Variants in MSN observed in about 807,000 individuals in gnomAD.
MSN encodes the protein moesin, also known as epididymis luminal protein 70.
A neutral mutation model predicts 48.0 loss-of-function variants in MSN; 2 were observed. The observed-to-expected ratio is 0.04, with a 90% CI of 0.02 to 0.13. The LOEUF (loss-of-function observed/expected upper bound fraction) is 0.13. Among genes scored for constraint, MSN ranks in the 10% least tolerant of loss-of-function variants. The pLI is 1.00. For synonymous variants in MSN, 146 were observed against 166.9 expected (o/e 0.87, Z 0.97); for missense variants, 267 against 470.1 (o/e 0.57, Z 3.99).
intron 1 of MSN, among the ~76,000 whole-genome samples, chrX:65,631,309 G>A (rs979082785): frequency 2.7e-5 from 3 of 110,272 alleles, no homozygotes; most frequent in Admixed American, 9.8e-5. Context: ...GGCCAGGCTG[G>A]TTTTGAACTC....
At chrX:65,736,480 G>T (rs1398577829) in intron 8 of MSN, among the ~76,000 whole-genome samples, 1 of 101,322 alleles carries the variant, frequency 9.9e-6, no homozygotes, top group Non-Finnish European at 2.0e-5. Context: ...TTTTGCCCAC[G>T]CTGGAGTGCA....
chrX:65,623,236 A>C (rs1337915261), intron 1 of MSN, among the ~76,000 whole-genome samples: 1 of 110,002 alleles, frequency 9.1e-6, no homozygotes, highest in Non-Finnish European at 1.9e-5. Context: ...GTATGCCTTC[A>C]TCTGGCTTTG....
intron 1 of MSN, among the ~76,000 whole-genome samples, chrX:65,686,402 G>A (rs900265739): frequency 8.9e-6 from 1 of 112,652 alleles, no homozygotes; most frequent in African/African-American, 3.2e-5. Flanking sequence ...GACCCTGACT[G>A]GGCTAGGCCC....
intron 1 of MSN, among the ~76,000 whole-genome samples, chrX:65,636,260 T>C (rs1195764274): frequency 9.0e-6 from 1 of 111,727 alleles, no homozygotes; most frequent in Non-Finnish European, 1.9e-5. Context: ...CAAAACCCCT[T>C]AGCCTGAAAC....
At chrX:65,737,026 T>C (rs2071684319) in intron 9 of MSN, 101 bp downstream of exon 9, 1 of 1,137,906 alleles carries the variant, frequency 8.8e-7, no homozygotes, top group Admixed American at 2.5e-5. Context: ...GTAGTTCAGG[T>C]GTGGCTACAG....
chrX:65,676,181 A>G (rs931824206), intron 1 of MSN, among the ~76,000 whole-genome samples: 2 of 111,750 alleles, frequency 1.8e-5, no homozygotes, highest in Non-Finnish European at 3.8e-5. Flanking sequence ...GAGGAGTATG[A>G]CGTTTTCTGG....
At chrX:65,592,359 C>G (rs7055112) in intron 1 of MSN, among the ~76,000 whole-genome samples, 10,386 of 108,004 alleles carry the variant, frequency 0.096, 1,281 homozygotes, top group African/African-American at 0.33. Context: ...CCACACCCAG[C>G]TAATTTTTGT....
intron 1 of MSN, among the ~76,000 whole-genome samples, chrX:65,652,390 C>A (rs1448280074): frequency 9.0e-6 from 1 of 111,607 alleles, no homozygotes; most frequent in Non-Finnish European, 1.9e-5. Flanking sequence ...ACAATCCTTG[C>A]CTTTAGGAGC....
intron 1 of MSN, among the ~76,000 whole-genome samples, chrX:65,630,169 C>A (rs987819312): frequency 3.7e-4 from 39 of 105,973 alleles, no homozygotes; most frequent in African/African-American, 1.3e-3. Flanking sequence ...ACAGAGCGAG[C>A]CTTTGACTCA....
chrX:65,704,831 G>A (rs188176483), intron 1 of MSN, among the ~76,000 whole-genome samples: 116 of 105,159 alleles, frequency 1.1e-3, no homozygotes, highest in African/African-American at 3.6e-3. Context: ...GTGCAGTGGC[G>A]CAATCTTGGC....
intron 1 of MSN, among the ~76,000 whole-genome samples, chrX:65,616,024 G>A (rs1369729669): frequency 4.5e-5 from 5 of 110,779 alleles, no homozygotes; most frequent in African/African-American, 6.6e-5. Context: ...GTAGATATGC[G>A]GCGTTATTTC....
chrX:65,615,833 T>C (rs1331279647), intron 1 of MSN, among the ~76,000 whole-genome samples: 2 of 111,712 alleles, frequency 1.8e-5, no homozygotes, highest in Non-Finnish European at 3.8e-5. Flanking sequence ...GTTTTTGTGG[T>C]TTTAGGTCTA....
At chrX:65,684,434 C>CT (rs1357471223) in intron 1 of MSN, among the ~76,000 whole-genome samples, 21 of 106,845 alleles carry the variant, frequency 2.0e-4, no homozygotes, top group South Asian at 3.9e-4. Flanking sequence ...ACATTAAAAT[C>CT]TTTTTTTTCT....
rs777548448 is a variant in MSN at position 65,708,871 on chromosome X, C to T, written c.13-7947C>T. On this transcript the variant is annotated intron_variant, in intron 1 of 12. Transcript: ENST00000360270. ...CTAATTTTTGTAGTTTTAGTAGAGA[C>T]GGGGTTTTGCTGTGTTGGCCAGGCT... 1.9e-4 allele frequency among the ~76,000 whole-genome samples: 21 copies of T among 108,048 alleles called. No individual in the cohort carries two copies. In the South Asian group the frequency reaches 2.4e-3, roughly 12 times the overall value. The allele number at this position is 108,048 out of a possible 115,157, so 93.8% of individuals were successfully genotyped here.
chrX:65,667,446 G>A (rs1219543028), upstream of MSN, among the ~76,000 whole-genome samples: 1 of 109,115 alleles, frequency 9.2e-6, no homozygotes, highest in African/African-American at 3.3e-5. Flanking sequence ...GAGAGGAGCC[G>A]GGTGGGTCTG....
At chrX:65,716,002 A>G (rs2071461246) in intron 1 of MSN, among the ~76,000 whole-genome samples, 1 of 112,201 alleles carries the variant, frequency 8.9e-6, no homozygotes, top group African/African-American at 3.2e-5. Context: ...TGCTCCTTCA[A>G]TACCTAGTTT....
chrX:65,628,831 G>T (rs1359393521), intron 1 of MSN, among the ~76,000 whole-genome samples: 1 of 110,381 alleles, frequency 9.1e-6, no homozygotes, highest in Admixed American at 9.7e-5. Flanking sequence ...TTGGGAGGCC[G>T]AGGTGGGCGG....
In MSN at chrX:65,670,925, T is replaced by TATATATAC. The variant is rs2070931939; in HGVS notation, c.12+3079_12+3080insCATATATA. On this transcript the variant is annotated intron_variant, in intron 1 of 12. Coordinates refer to ENST00000360270, the MANE Select transcript of MSN (RefSeq NM_002444.3). ...ATATATATATATATATATATATATATATATATATATATATATATATATATA... is the reference window on the plus strand; with the variant it reads ...ATATATATATATATATATATATATATATATATACATATATATATATATATATATATATA... Among the ~76,000 whole-genome samples the TATATATAC allele has an allele frequency of 5.3e-5, 3 of 56,692 alleles. 1 individual carries two copies. The highest frequency in any genetic ancestry group is 3.4e-5 in the Non-Finnish European group (1 of 29,775). 49.2% of individuals were successfully genotyped at this position (56,692 alleles called of 115,157 possible).
intron 1 of MSN, among the ~76,000 whole-genome samples, chrX:65,690,385 T>C (rs1211551175): frequency 9.0e-6 from 1 of 111,038 alleles, no homozygotes; most frequent in Non-Finnish European, 1.9e-5. Flanking sequence ...TGGTCAGAGG[T>C]CCAGAAGGAG....
Sources: allele counts gnomAD v4.1 joint callset (sites outside exome capture counted in the v4.1 genomes callset), GRCh38; gene constraint gnomAD v4.1.1; transcripts MANE v1.5; gene names NCBI Gene and HGNC (gene_info 2026-07-23, HGNC 2026-07-21).